CCNG1: variants seen among roughly 807,000 people sequenced by gnomAD.
CCNG1 encodes cyclin G1.
A neutral mutation model predicts 30.0 loss-of-function variants in CCNG1; 13 were observed. That is an observed-to-expected ratio of 0.43 (90% CI 0.28 to 0.69). The LOEUF (loss-of-function observed/expected upper bound fraction) is 0.69, where lower values mean the gene tolerates loss of function less well. Among genes scored for constraint, CCNG1 ranks in the 30% least tolerant of loss-of-function variants. CCNG1 has a pLI of 0.16. For missense variants in CCNG1, 285 were observed against 331.4 expected (o/e 0.86, Z 1.09); for synonymous variants, 110 against 121.5 (o/e 0.91, Z 0.62).
downstream of CCNG1, chr5:163,446,219 G>A (rs17886486): frequency 2.3e-3 from 356 of 152,184 alleles, 5 homozygotes; most frequent in African/African-American, 8.0e-3. Flanking sequence ...TCTGAACCTT[G>A]TACATATTTA....
At chr5:163,439,563 T>C in intron 2 of CCNG1, 43 bp downstream of exon 2, 1 of 1,558,610 alleles carries the variant, frequency 6.4e-7, no homozygotes, top group Non-Finnish European at 8.7e-7. Context: ...TCAGTGTGTT[T>C]TGGAGATGGA....
chr5:163,443,651 GTTTGT>G lies in CCNG1; in HGVS notation c.*4-19_*4-15del, dbSNP rs1182538343. On this transcript the variant is annotated intron_variant, in intron 6 of 6. Coordinates refer to ENST00000340828, the MANE Select transcript of CCNG1 (RefSeq NM_004060.4). ...ACTGGCTTCTGTTAAGTTGGATTTT[GTTTGT>G]TTTCTTTATTTAAATAGGATTATTA... The G allele has an allele frequency of 1.4e-6, 2 of 1,401,330 alleles. No homozygotes were observed. Among genetic ancestry groups the G allele is most frequent in the Admixed American group, 2.0e-5 (1 of 50,238 alleles). 86.8% of individuals were successfully genotyped at this position (1,401,330 alleles called of 1,614,324 possible). A position where few individuals can be genotyped will look rare whatever the true frequency, so the allele number is the denominator to read the frequency against.
chr5:163,445,620 A>ATTTTTTTTTTTTTTTTTTTTT (rs56065634), downstream of CCNG1, among the ~76,000 whole-genome samples: 1 of 107,986 alleles, frequency 9.3e-6, no homozygotes, highest in Non-Finnish European at 1.8e-5. Context: ...CACCCAGCTA[A>ATTTTTTTTTTTTTTTTTTTTT]TTTTTTTTTT....
intron 6 of CCNG1, 129 bp downstream of exon 6, chr5:163,442,697 C>A: frequency 1.4e-6 from 1 of 696,792 alleles, no homozygotes; most frequent in Non-Finnish European, 2.4e-6. Flanking sequence ...GAGATGACAT[C>A]ACTGATCTAG....
the CCNG1 span, among the ~76,000 whole-genome samples, chr5:163,456,698 A>C: frequency 2.6e-5 from 4 of 152,350 alleles, no homozygotes; most frequent in East Asian, 5.8e-4. Flanking sequence ...TGTACATAAA[A>C]GTAAGCTTAA....
chr5:163,439,144 G>A, intron 1 of CCNG1, 113 bp from the exon 2 acceptor site: 1 of 880,676 alleles, frequency 1.1e-6, no homozygotes, highest in Non-Finnish European at 1.8e-6. Flanking sequence ...TGCACTAGCC[G>A]CATTGGGGGA....
chr5:163,440,597 T>A (rs189108847), intron 2 of CCNG1, among the ~76,000 whole-genome samples: 1 of 152,140 alleles, frequency 6.6e-6, no homozygotes, highest in South Asian at 2.1e-4. Context: ...TGGATAGAAC[T>A]CTTAGAGGCA....
chr5:163,453,050 GT>G, the CCNG1 span: 3 of 152,298 alleles, frequency 2.0e-5, no homozygotes, highest in African/African-American at 7.2e-5. Flanking sequence ...TTGCATTGTA[GT>G]CATGTAAGAT....
chr5:163,442,500 C>A lies in CCNG1; in HGVS notation c.823C>A (p.Arg275=). The change falls in exon 6 of 7, where the codon CGG becomes AGG. Residue 275 remains arginine (R), a synonymous_variant. Coordinates refer to ENST00000340828, the MANE Select transcript of CCNG1 (RefSeq NM_004060.4). ...LKWIVSGRTA[R]QLKHSYYRIT... is the part of the protein sequence containing the mutation. The stretch of plus-strand genomic sequence containing the variant: ...ATGGATTGTTTCTGGGCGTACTGCA[C>A]GGCAATTGAAGCATAGCTACTACAG... The A allele has an allele frequency of 6.2e-7, 1 of 1,613,862 alleles. No homozygotes were observed. Among genetic ancestry groups the A allele is most frequent in the Non-Finnish European group, 8.5e-7 (1 of 1,179,830 alleles).
chr5:163,440,811 T>TAGTTC (rs1757776501), intron 2 of CCNG1, among the ~76,000 whole-genome samples: 1 of 152,192 alleles, frequency 6.6e-6, no homozygotes, highest in Non-Finnish European at 1.5e-5. Context: ...TCTACAGTGA[T>TAGTTC]TAATAAAAAC....
Position 163,443,685 on chromosome 5 carries a change from C to T in CCNG1, c.*15C>T. On this transcript the variant is annotated 3_prime_UTR_variant, in exon 7 of 7. Transcript: ENST00000340828. ...CTTTATTTAAATAGGATTATTACAG[C>T]ACCAAAAAACTTCTCTGAAGCCTTT... is the stretch of plus-strand genomic sequence containing the variant. 1 of 1,521,666 alleles carries T rather than the reference C, an allele frequency of 6.6e-7. No individual in the cohort carries two copies. The highest frequency in any genetic ancestry group is 8.8e-7 in the Non-Finnish European group (1 of 1,134,436). The allele number at this position is 1,521,666 out of a possible 1,614,324, so 94.3% of individuals were successfully genotyped here.
At position 163,442,069 on chromosome 5, in the gene CCNG1, A is replaced by G; in HGVS notation, c.622A>G (p.Ile208Val). ...GCCTTCTGTGTTGGCATTGTCTATCATTGCATTAGAGATCCAAGCACAGAA... is the reference window on the plus strand; with the variant it reads ...GCCTTCTGTGTTGGCATTGTCTATCGTTGCATTAGAGATCCAAGCACAGAA... Reference protein sequence around the residue: ...AKPSVLALSIIALEIQAQKCV... With the variant: ...AKPSVLALSIVALEIQAQKCV... The change falls in exon 5 of 7, where the codon ATT becomes GTT. Residue 208 changes from isoleucine (I) to valine (V), a missense_variant. Ile to Val is a conservative substitution (Grantham distance 29, BLOSUM62 3). Transcript: ENST00000340828. 1 of 1,612,430 alleles carries G rather than the reference A, an allele frequency of 6.2e-7. No homozygotes were observed. The highest frequency in any genetic ancestry group is 8.5e-7 in the Non-Finnish European group (1 of 1,178,820).
chr5:163,438,353 T>C (rs1394279286), intron 1 of CCNG1, among the ~76,000 whole-genome samples: 1 of 151,926 alleles, frequency 6.6e-6, no homozygotes, highest in East Asian at 1.9e-4. Flanking sequence ...CTTTAAGTGG[T>C]GAATCATCTT....
chr5:163,443,216 G>T (rs766933142), intron 6 of CCNG1, among the ~76,000 whole-genome samples: 1 of 151,858 alleles, frequency 6.6e-6, no homozygotes, highest in Non-Finnish European at 1.5e-5. Flanking sequence ...GGAGGCTGAG[G>T]CAGGAGAATG....
At chr5:163,452,029 G>A in the CCNG1 span, 1 of 151,752 alleles carries the variant, frequency 6.6e-6, no homozygotes, top group Non-Finnish European at 1.5e-5. Flanking sequence ...CTCCAGTCTG[G>A]GCAACAAGAG....
intron 1 of CCNG1, 106 bp from the exon 2 acceptor site, chr5:163,439,151 G>A: frequency 1.1e-6 from 1 of 952,228 alleles, no homozygotes; most frequent in Non-Finnish European, 1.6e-6. Context: ...GCCGCATTGG[G>A]GGATGGGAGG....
chr5:163,455,668 G>A, the CCNG1 span, among the ~76,000 whole-genome samples: 3 of 151,696 alleles, frequency 2.0e-5, no homozygotes, highest in Admixed American at 1.3e-4. Context: ...GGAGGCTGAG[G>A]CAGGAGACTG....
chr5:163,453,523 T>C, the CCNG1 span: 1 of 152,696 alleles, frequency 6.5e-6, no homozygotes, highest in Admixed American at 6.5e-5. Flanking sequence ...TAAAATTGTT[T>C]TCAGCACTAT....
upstream of CCNG1, chr5:163,437,578 G>T (rs545721977): frequency 3.3e-5 from 5 of 152,024 alleles, no homozygotes; most frequent in Non-Finnish European, 5.9e-5. Flanking sequence ...TATATTCCTC[G>T]TTAGGGCAGG....
Sources: allele counts gnomAD v4.1 joint callset (sites outside exome capture counted in the v4.1 genomes callset), GRCh38; gene constraint gnomAD v4.1.1; transcripts MANE v1.5; gene names NCBI Gene and HGNC (gene_info 2026-07-23, HGNC 2026-07-21).